The following ADGRL2 variants were observed in gnomAD, a reference collection of about 807,000 sequenced individuals.
ADGRL2 encodes calcium-independent alpha-latrotoxin receptor 2.
In ADGRL2, 44 loss-of-function variants were observed where a neutral mutation model predicts 157.4. The ratio of observed to expected loss-of-function variants is 0.28; its 90% CI spans 0.22 to 0.36. The LOEUF is 0.36. ADGRL2 is among the 10% of genes least tolerant of loss of function. The pLI, the probability that ADGRL2 is intolerant of heterozygous loss-of-function variation, is 1.00. For missense variants in ADGRL2, 1,510 were observed against 1,768.9 expected (o/e 0.85, Z 2.63); for synonymous variants, 585 against 624.7 (o/e 0.94, Z 0.95).
intron 3 of ADGRL2, among the ~76,000 whole-genome samples, chr1:81,660,795 G>T (rs72716674): frequency 0.018 from 2,692 of 152,228 alleles, 34 homozygotes; most frequent in South Asian, 0.053. Context: ...TAATGAATTT[G>T]ATCAAAAATA....
intron 1 of ADGRL2, among the ~76,000 whole-genome samples, chr1:81,401,788 C>T (rs1327552977): frequency 6.6e-6 from 1 of 152,122 alleles, no homozygotes; most frequent in Non-Finnish European, 1.5e-5. Flanking sequence ...AGGGGGTTAT[C>T]TGTTACGAGG....
chr1:81,967,509 C>A (rs907486848), intron 13 of ADGRL2, among the ~76,000 whole-genome samples: 1 of 152,144 alleles, frequency 6.6e-6, no homozygotes, highest in Non-Finnish European at 1.5e-5. Context: ...GATCCGCCCG[C>A]CTCAGCCTCC....
chr1:81,802,646 A>C (rs1469325608), intron 1 of ADGRL2, among the ~76,000 whole-genome samples: 1 of 151,818 alleles, frequency 6.6e-6, no homozygotes, highest in Non-Finnish European at 1.5e-5. Context: ...GAGGAGTGTG[A>C]AGCGCGTCCT....
intron 3 of ADGRL2, among the ~76,000 whole-genome samples, chr1:81,628,620 G>T (rs2081954764): frequency 6.6e-6 from 1 of 152,046 alleles, no homozygotes; most frequent in Admixed American, 6.5e-5. Flanking sequence ...TATTTCCTCA[G>T]CAAATTAGTT....
intron 1 of ADGRL2, among the ~76,000 whole-genome samples, chr1:81,347,327 G>A (rs1367490832): frequency 1.3e-5 from 2 of 152,152 alleles, no homozygotes; most frequent in East Asian, 3.9e-4. Context: ...CTTGAACCCG[G>A]GAAGCAGAGG....
At chr1:81,617,942 C>T (rs2081698079) in intron 3 of ADGRL2, among the ~76,000 whole-genome samples, 2 of 152,182 alleles carry the variant, frequency 1.3e-5, no homozygotes, top group African/African-American at 4.8e-5. Context: ...AGGAGCAACA[C>T]CCCAGGGCAT....
intron 3 of ADGRL2, among the ~76,000 whole-genome samples, chr1:81,686,226 T>G (rs548381748): frequency 2.0e-5 from 3 of 152,222 alleles, no homozygotes; most frequent in African/African-American, 7.2e-5. Context: ...AATTATTCTT[T>G]GAATGTCTGG....
intron 3 of ADGRL2, among the ~76,000 whole-genome samples, chr1:81,611,456 TA>T (rs1302392193): frequency 6.6e-6 from 1 of 152,174 alleles, no homozygotes; most frequent in Non-Finnish European, 1.5e-5. Context: ...TTTATTACTA[TA>T]AAAAAACTCC....
chr1:81,915,578 T>A (rs966110906), intron 3 of ADGRL2, among the ~76,000 whole-genome samples: 9 of 152,196 alleles, frequency 5.9e-5, no homozygotes, highest in Non-Finnish European at 1.2e-4. Flanking sequence ...GTCTTAAGTA[T>A]TCCCTAAGGC....
At chr1:81,441,665 G>A (rs953467321) in intron 1 of ADGRL2, among the ~76,000 whole-genome samples, 1 of 151,990 alleles carries the variant, frequency 6.6e-6, no homozygotes, top group South Asian at 2.1e-4. Context: ...AGCCTCCCGA[G>A]TTGCTGGGAT....
intron 1 of ADGRL2, among the ~76,000 whole-genome samples, chr1:81,428,637 G>A (rs2077263905): frequency 6.6e-6 from 1 of 152,148 alleles, no homozygotes; most frequent in Non-Finnish European, 1.5e-5. Context: ...ATTTTTAGGG[G>A]AGGTGAATGG....
At chr1:81,526,811 A>C (rs2148210776) in intron 2 of ADGRL2, among the ~76,000 whole-genome samples, 1 of 152,372 alleles carries the variant, frequency 6.6e-6, no homozygotes, top group South Asian at 2.1e-4. Flanking sequence ...CTGTAAATTA[A>C]ATCAGATATT....
chr1:81,626,751 G>C (rs770384995), intron 3 of ADGRL2, among the ~76,000 whole-genome samples: 1 of 152,208 alleles, frequency 6.6e-6, no homozygotes, highest in Non-Finnish European at 1.5e-5. Context: ...ATCTGTGAAG[G>C]AATGTTCTAC....
chr1:81,573,870 T>C lies in ADGRL2; in HGVS notation c.-247-7006T>C, dbSNP rs186265321. Reference sequence around the variant, plus strand: ...CTTATTTTATATGATTAAATACTGGTTGGAGAAGACACATAGTCTCAAAGA... The same window carrying C: ...CTTATTTTATATGATTAAATACTGGCTGGAGAAGACACATAGTCTCAAAGA... On this transcript the variant is annotated intron_variant, in intron 2 of 24. Coordinates refer to the ADGRL2 transcript ENST00000370721. Among the ~76,000 whole-genome samples the C allele has an allele frequency of 3.9e-5, 6 of 152,298 alleles. No individual in the cohort carries two copies. The East Asian group carries it at 1.2e-3, about 29-fold the overall frequency.
At chr1:81,377,679 A>G (rs951681700) in intron 1 of ADGRL2, among the ~76,000 whole-genome samples, 1 of 152,088 alleles carries the variant, frequency 6.6e-6, no homozygotes, top group African/African-American at 2.4e-5. Flanking sequence ...ACATGTTGTG[A>G]TTGGATGATT....
intron 3 of ADGRL2, among the ~76,000 whole-genome samples, chr1:81,644,813 A>C (rs2082282985): frequency 6.6e-6 from 1 of 152,200 alleles, no homozygotes; most frequent in African/African-American, 2.4e-5. Context: ...ATAGGAAGGT[A>C]TATGTAAAAT....
intron 2 of ADGRL2, among the ~76,000 whole-genome samples, chr1:81,446,276 A>G (rs2101708018): frequency 6.6e-6 from 1 of 152,324 alleles, no homozygotes; most frequent in East Asian, 1.9e-4. Flanking sequence ...GCTTGTCACC[A>G]TTTCAGAAAC....
At chr1:81,860,949 T>C (rs968094205) in intron 2 of ADGRL2, among the ~76,000 whole-genome samples, 6 of 152,016 alleles carry the variant, frequency 3.9e-5, no homozygotes, top group Non-Finnish European at 5.9e-5. Context: ...TGCATAACTT[T>C]GGCCTATTTT....
intron 2 of ADGRL2, among the ~76,000 whole-genome samples, chr1:81,872,571 A>G (rs2151036754): frequency 6.6e-6 from 1 of 152,242 alleles, no homozygotes; most frequent in Middle Eastern, 3.4e-3. Context: ...TGATAACCAG[A>G]GAGAGATTAA....
Sources: gnomAD v4.1 joint callset for allele counts (sites outside exome capture counted in the v4.1 genomes callset) on GRCh38, gnomAD v4.1.1 for gene constraint, MANE v1.5 for transcripts, NCBI Gene and HGNC (gene_info 2026-07-23, HGNC 2026-07-21) for gene names.